Variants in PID1 observed in about 807,000 individuals in gnomAD.
The protein encoded by PID1 is phosphotyrosine interaction domain containing 1.
Under a neutral mutation model 19.1 loss-of-function variants are expected in PID1, and 10 were observed. That is an observed-to-expected ratio of 0.52 (90% CI 0.32 to 0.89). The LOEUF (loss-of-function observed/expected upper bound fraction) is 0.89, where lower values mean the gene tolerates loss of function less well. Among genes scored for constraint, PID1 ranks in the 40% least tolerant of loss-of-function variants. PID1 has a pLI of 0.03. For synonymous variants in PID1, 130 were observed against 116.0 expected, an observed-to-expected ratio of 1.12 and a Z score of -0.78; for missense variants, 248 against 285.3, an observed-to-expected ratio of 0.87 and a Z score of 0.94.
At chr2:229,269,656 TG>T (rs1226000809) in intron 1 of PID1, among the ~76,000 whole-genome samples, 2 of 152,260 alleles carry the variant, frequency 1.3e-5, no homozygotes, top group African/African-American at 4.8e-5. Context: ...CACTGGTATC[TG>T]GTGCCACTGC....
rs376573955 is a variant in PID1 at position 229,179,045 on chromosome 2, A to G, written c.31-23081T>C. Among the ~76,000 whole-genome samples, 36 of 152,124 alleles carry G rather than the reference A, an allele frequency of 2.4e-4. No individual in the cohort carries two copies. In the South Asian group the frequency reaches 5.6e-3, roughly 24 times the overall value. On this transcript the variant is annotated intron_variant, in intron 1 of 2. Transcript: ENST00000392055. ...TTAACCACTAACTCTTTCACTACTCACCCCTCTGGTTTGCAAATGTTTAAA... is the reference window on the plus strand; with the variant it reads ...TTAACCACTAACTCTTTCACTACTCGCCCCTCTGGTTTGCAAATGTTTAAA...
At chr2:229,214,309 T>C (rs1310150329) in intron 1 of PID1, among the ~76,000 whole-genome samples, 1 of 152,100 alleles carries the variant, frequency 6.6e-6, no homozygotes, top group African/African-American at 2.4e-5. Context: ...CCACTGCTCT[T>C]GACCGAGAGC....
intron 1 of PID1, among the ~76,000 whole-genome samples, chr2:229,175,385 G>A (rs958450936): frequency 9.8e-5 from 15 of 152,294 alleles, no homozygotes; most frequent in African/African-American, 3.4e-4. Context: ...TTAAGTGACT[G>A]ATTCATTAAT....
chr2:229,216,845 G>GA (rs1306899401), intron 1 of PID1, among the ~76,000 whole-genome samples: 1 of 151,850 alleles, frequency 6.6e-6, no homozygotes, highest in East Asian at 1.9e-4. Flanking sequence ...ATTCTCTCCT[G>GA]AAAAAGGCAC....
intron 2 of PID1, among the ~76,000 whole-genome samples, chr2:229,114,110 T>C (rs1001352386): frequency 1.2e-4 from 8 of 66,050 alleles, no homozygotes; most frequent in African/African-American, 4.9e-4. Context: ...CATCTCTCTC[T>C]CTTTCTCTCT....
At chr2:229,189,183 A>T (rs1391911429) in intron 1 of PID1, among the ~76,000 whole-genome samples, 1 of 152,204 alleles carries the variant, frequency 6.6e-6, no homozygotes. Flanking sequence ...AGTCAAGGGC[A>T]GGTAGAGGCT....
rs754992656 is a variant in PID1, at chr2:229,105,948, G to C, written c.177+49870C>G. ...CAAAAAATTAGCCAGATGTGGTGGCGCGTGCCTGTAGTCCCAGCTACTTGG... is the reference window on the plus strand; with the variant it reads ...CAAAAAATTAGCCAGATGTGGTGGCCCGTGCCTGTAGTCCCAGCTACTTGG... On this transcript the variant is annotated intron_variant, in intron 2 of 2. Coordinates refer to ENST00000392055, the MANE Select transcript of PID1 (RefSeq NM_001100818.2). Among the ~76,000 whole-genome samples the C allele has an allele frequency of 9.2e-5, 14 of 151,858 alleles. No homozygotes were observed. In the East Asian group the frequency reaches 2.7e-3, roughly 30 times the overall value.
intron 1 of PID1, among the ~76,000 whole-genome samples, chr2:229,159,880 T>C (rs530707093): frequency 1.3e-5 from 2 of 152,230 alleles, no homozygotes; most frequent in South Asian, 2.1e-4. Context: ...ATGCAGAGTG[T>C]AGGGTTTGGA....
chr2:229,111,132 G>A (rs1228849453), intron 2 of PID1, among the ~76,000 whole-genome samples: 3 of 152,122 alleles, frequency 2.0e-5, no homozygotes, highest in Non-Finnish European at 4.4e-5. Context: ...ATGATTATGA[G>A]GCCTCCCCAG....
chr2:229,046,468 C>T (rs7608256), intron 2 of PID1, among the ~76,000 whole-genome samples: 81,520 of 151,248 alleles, frequency 0.54, 23,113 homozygotes, highest in African/African-American at 0.72. Flanking sequence ...TCAAACAGCT[C>T]TTCTTTTTGG....
chr2:229,097,381 CACA>C (rs1216839437), intron 2 of PID1, among the ~76,000 whole-genome samples: 3 of 152,148 alleles, frequency 2.0e-5, no homozygotes, highest in African/African-American at 7.2e-5. Context: ...AAAACCTAAG[CACA>C]ACAACTTGGG....
At chr2:229,187,204 G>C (rs1691150848) in intron 1 of PID1, among the ~76,000 whole-genome samples, 1 of 152,098 alleles carries the variant, frequency 6.6e-6, no homozygotes, top group African/African-American at 2.4e-5. Flanking sequence ...CTTCTTCTGA[G>C]CCCTTCAAAC....
intron 2 of PID1, among the ~76,000 whole-genome samples, chr2:229,079,871 T>C (rs1051119833): frequency 2.0e-5 from 3 of 152,088 alleles, no homozygotes; most frequent in East Asian, 1.9e-4. Context: ...CACTCTCAGG[T>C]ATTCTGGAGG....
chr2:229,196,588 CT>C (rs1417719140), intron 1 of PID1, among the ~76,000 whole-genome samples: 1 of 152,068 alleles, frequency 6.6e-6, no homozygotes, highest in Non-Finnish European at 1.5e-5. Flanking sequence ...GTCAAATTAT[CT>C]TGTTAAAGCT....
chr2:229,041,019 A>C (rs540705056), intron 2 of PID1, among the ~76,000 whole-genome samples: 1 of 152,190 alleles, frequency 6.6e-6, no homozygotes, highest in East Asian at 1.9e-4. Flanking sequence ...AGATATGTAG[A>C]CACTGACATC....
chr2:229,139,764 T>C (rs1182709603), intron 2 of PID1, among the ~76,000 whole-genome samples: 1 of 152,052 alleles, frequency 6.6e-6, no homozygotes, highest in African/African-American at 2.4e-5. Context: ...TGATGATGAG[T>C]TCTCTCCTTA....
intron 2 of PID1, among the ~76,000 whole-genome samples, chr2:229,062,201 TG>T (rs1282368461): frequency 1.3e-5 from 2 of 152,130 alleles, no homozygotes; most frequent in Admixed American, 1.3e-4. Context: ...CTTTTCACTG[TG>T]GGGTATGATG....
chr2:229,156,321 T>A (rs989914800), intron 1 of PID1, among the ~76,000 whole-genome samples: 1 of 152,208 alleles, frequency 6.6e-6, no homozygotes, highest in African/African-American at 2.4e-5. Flanking sequence ...AAGAGGATGT[T>A]ATAGGGGTTA....
intron 1 of PID1, among the ~76,000 whole-genome samples, chr2:229,256,460 T>C (rs1364094647): frequency 6.6e-6 from 1 of 152,202 alleles, no homozygotes; most frequent in Non-Finnish European, 1.5e-5. Context: ...CCCTGGACAA[T>C]GGAATGCTTC....
Sources: gnomAD v4.1 joint callset for allele counts (sites outside exome capture counted in the v4.1 genomes callset) on GRCh38, gnomAD v4.1.1 for gene constraint, MANE v1.5 for transcripts, NCBI Gene and HGNC (gene_info 2026-07-23, HGNC 2026-07-21) for gene names.